Variants in ASXL1 observed in about 807,000 individuals in gnomAD.
ASXL1 encodes the protein polycomb group protein ASXL1.
A neutral mutation model predicts 89.1 loss-of-function variants in ASXL1; 65 were observed. The ratio of observed to expected loss-of-function variants is 0.73; its 90% confidence interval spans 0.60 to 0.90. ASXL1 has a LOEUF of 0.90. Ranked by LOEUF, ASXL1 falls within the 40% of genes least tolerant of loss-of-function variation. ASXL1 has a pLI of 0.00. For missense variants in ASXL1, 1,786 were observed against 1,942.9 expected, an observed-to-expected ratio of 0.92 and a Z score of 1.52; for synonymous variants, 739 against 746.9, an observed-to-expected ratio of 0.99 and a Z score of 0.17.
intron 4 of ASXL1, among the ~76,000 whole-genome samples, chr20:32,399,962 A>G (rs1208109176): frequency 2.6e-5 from 4 of 151,970 alleles, no homozygotes; most frequent in East Asian, 3.9e-4. Context: ...GGGTTTCGCC[A>G]TGTTGGCCAG....
chr20:32,370,569 C>T (rs966627914), intron 4 of ASXL1, among the ~76,000 whole-genome samples: 3 of 152,140 alleles, frequency 2.0e-5, no homozygotes, highest in Non-Finnish European at 2.9e-5. Flanking sequence ...CTGACCCTTT[C>T]GTTCTTCCAT....
chr20:32,418,103 G>A (rs1438388578), intron 4 of ASXL1, among the ~76,000 whole-genome samples: 3 of 151,974 alleles, frequency 2.0e-5, no homozygotes, highest in Admixed American at 6.6e-5. Flanking sequence ...GCTTGAACCC[G>A]GGAGGCAGAG....
intron 4 of ASXL1, among the ~76,000 whole-genome samples, chr20:32,374,870 C>T (rs933930621): frequency 2.0e-5 from 3 of 152,040 alleles, no homozygotes; most frequent in Non-Finnish European, 2.9e-5. Flanking sequence ...TTTTACTTTA[C>T]GTTTATTTAT....
chr20:32,429,814 CA>C lies in ASXL1; in HGVS notation c.566-86del, dbSNP rs1273131475. 6.5e-7 allele frequency: 1 copy of C among 1,534,960 alleles called. No individual in the cohort carries two copies. The highest frequency in any genetic ancestry group is 8.8e-7 in the Non-Finnish European group (1 of 1,134,102). On this transcript the variant is annotated intron_variant, in intron 7 of 12. Transcript: ENST00000375687. The surrounding 1 kb of genome is among the most constrained non-coding windows in gnomAD (Gnocchi z 4.9). ...CATCCCAGTATTGCTGGCAGCATCT[CA>C]GGGAGAGCTGGGAGAAATGAGCTTG...
intron 4 of ASXL1, among the ~76,000 whole-genome samples, chr20:32,394,300 C>T (rs2123010522): frequency 1.3e-5 from 2 of 152,094 alleles, no homozygotes; most frequent in Admixed American, 1.3e-4. Flanking sequence ...CCGTGCCTGG[C>T]CTAATTTTTG....
At chr20:32,365,611 T>A (rs1278420268) in intron 1 of ASXL1, among the ~76,000 whole-genome samples, 1 of 152,218 alleles carries the variant, frequency 6.6e-6, no homozygotes, top group Non-Finnish European at 1.5e-5. Flanking sequence ...TTTTTCTTCC[T>A]TTAGAAGAAT....
Position 32,428,429 on chromosome 20 carries a change from A to G in ASXL1, c.471+7A>G, listed in dbSNP as rs1333913722. The G allele has an allele frequency of 1.2e-6, 2 of 1,604,054 alleles. No individual in the cohort carries two copies. Among genetic ancestry groups the G allele is most frequent in the African/African-American group, 2.7e-5 (2 of 74,662 alleles). ...CTACAGAGCTTCCTCACAGGTAAGG[A>G]AGAGGTAGAGCCTAGCCTGGGAGGA... On this transcript the variant is annotated splice_region_variant and intron_variant, in intron 6 of 12. Coordinates refer to ENST00000375687, the MANE Select transcript of ASXL1 (RefSeq NM_015338.6).
chr20:32,380,731 T>C (rs1360701952), intron 4 of ASXL1, among the ~76,000 whole-genome samples: 2 of 152,132 alleles, frequency 1.3e-5, no homozygotes, highest in African/African-American at 4.8e-5. Context: ...GGGCGACTAA[T>C]TGAGACCCTG....
intron 1 of ASXL1, among the ~76,000 whole-genome samples, chr20:32,362,653 CAAAA>C (rs930082362): frequency 6.6e-6 from 1 of 152,078 alleles, no homozygotes; most frequent in African/African-American, 2.4e-5. Flanking sequence ...AACAAACAAA[CAAAA>C]CAACAACAAC....
intron 1 of ASXL1, among the ~76,000 whole-genome samples, chr20:32,361,633 CAA>C (rs11475139): frequency 0.032 from 3,255 of 102,354 alleles, 79 homozygotes; most frequent in African/African-American, 0.096. Context: ...AGACTCGTCT[CAA>C]AAAAAAAAAA....
chr20:32,369,105 C>G lies in ASXL1; in HGVS notation c.234C>G (p.Ile78Met). The change falls in exon 4 of 13, where the codon ATC becomes ATG. Residue 78 changes from isoleucine (I) to methionine (M), a missense_variant. This residue lies in a region of ASXL1 where 332 missense variants were observed against 449.7 expected (regional missense o/e 0.74). Coordinates refer to ENST00000375687, the MANE Select transcript of ASXL1 (RefSeq NM_015338.6). The part of the protein sequence containing the change: ...EGLFYKLPGR[I>M]SLFTLKKDAL... ...TGTTTTATAAACTGCCTGGCCGAATCAGCCTTTTCACGCTCAAGGTAAGTG... is the reference window on the plus strand; with the variant it reads ...TGTTTTATAAACTGCCTGGCCGAATGAGCCTTTTCACGCTCAAGGTAAGTG... 1 of 1,611,720 alleles carries G rather than the reference C, an allele frequency of 6.2e-7. No individual in the cohort carries two copies. The highest frequency in any genetic ancestry group is 8.5e-7 in the Non-Finnish European group (1 of 1,177,796).
intron 4 of ASXL1, among the ~76,000 whole-genome samples, chr20:32,409,027 G>A (rs1000059778): frequency 3.9e-5 from 6 of 151,912 alleles, no homozygotes; most frequent in Non-Finnish European, 7.4e-5. Context: ...AGGCTGGAGT[G>A]CAGTGGCGGA....
intron 4 of ASXL1, among the ~76,000 whole-genome samples, chr20:32,390,816 T>G (rs536618535): frequency 6.6e-6 from 1 of 152,386 alleles, no homozygotes; most frequent in African/African-American, 2.4e-5. Flanking sequence ...TATAACACTT[T>G]GAGTCTGGCG....
chr20:32,388,159 G>A (rs569947114), intron 4 of ASXL1, among the ~76,000 whole-genome samples: 9 of 152,004 alleles, frequency 5.9e-5, no homozygotes, highest in African/African-American at 1.2e-4. Flanking sequence ...CCTCAACACC[G>A]AAGATATATT....
At chr20:32,359,107 C>G in intron 1 of ASXL1, 1 of 605,056 alleles carries the variant, frequency 1.7e-6, no homozygotes, top group Non-Finnish European at 2.9e-6. Flanking sequence ...GCTCCTCCCA[C>G]TCTGGGCAGC....
chr20:32,406,911 C>T (rs2048965611), intron 4 of ASXL1, among the ~76,000 whole-genome samples: 1 of 152,158 alleles, frequency 6.6e-6, no homozygotes, highest in Admixed American at 6.6e-5. Context: ...TCTACCTAGC[C>T]TCAGGCCTCC....
At chr20:32,399,951 G>A (rs1050720651) in intron 4 of ASXL1, among the ~76,000 whole-genome samples, 6 of 151,580 alleles carry the variant, frequency 4.0e-5, no homozygotes, top group Non-Finnish European at 5.9e-5. Flanking sequence ...TAGTAGAGAC[G>A]GGGTTTCGCC....
At chr20:32,371,855 A>G (rs2048305775) in intron 4 of ASXL1, 3 of 436,308 alleles carry the variant, frequency 6.9e-6, no homozygotes, top group Non-Finnish European at 1.4e-5. Flanking sequence ...AGCTTCACAA[A>G]GCACTGGGAT....
At chr20:32,371,710 G>T in intron 4 of ASXL1, 1 of 418,728 alleles carries the variant, frequency 2.4e-6, no homozygotes, top group Admixed American at 2.5e-5. Flanking sequence ...GGCTCAAGCA[G>T]TAGTCCCACC....
Sources: gnomAD v4.1 joint callset for allele counts (sites outside exome capture counted in the v4.1 genomes callset) on GRCh38, gnomAD v4.1.1 for gene constraint, gnomAD v4.1.1 regional missense constraint, Gnocchi (gnomAD v3.1) non-coding constraint, MANE v1.5 for transcripts, NCBI Gene and HGNC (gene_info 2026-07-23, HGNC 2026-07-21) for gene names.